Variants in CNIH3 observed in about 807,000 individuals in gnomAD.
The protein encoded by CNIH3 is protein cornichon homolog 3.
In CNIH3, 14 loss-of-function variants were observed where a neutral mutation model predicts 24.1. The ratio of observed to expected loss-of-function variants is 0.58; its 90% confidence interval spans 0.38 to 0.91. CNIH3 has a LOEUF of 0.91. Among genes scored for constraint, CNIH3 ranks in the 40% least tolerant of loss-of-function variants. The pLI, the probability that CNIH3 is intolerant of heterozygous loss-of-function variation, is 0.00. For missense variants in CNIH3, 178 were observed against 196.8 expected (o/e 0.90, Z 0.57); for synonymous variants, 68 against 73.8 (o/e 0.92, Z 0.40).
chr1:224,606,926 T>C (rs759034396), intron 3 of CNIH3, among the ~76,000 whole-genome samples: 8 of 152,172 alleles, frequency 5.3e-5, no homozygotes, highest in Non-Finnish European at 1.2e-4. Context: ...CAGTGAAGGC[T>C]GATACTGAAT....
intron 4 of CNIH3, among the ~76,000 whole-genome samples, chr1:224,733,837 C>T: frequency 6.6e-6 from 1 of 152,080 alleles, no homozygotes; most frequent in East Asian, 1.9e-4. Flanking sequence ...GGGCAGCGAC[C>T]ACTTCCCAAG....
chr1:224,575,130 G>A, intron 4 of CNIH3: 1 of 932,518 alleles, frequency 1.1e-6, no homozygotes, highest in Non-Finnish European at 1.8e-6. Context: ...CCTCCTGGAA[G>A]ATCCCAGGAT....
At chr1:224,682,973 G>T (rs1686475262) in intron 2 of CNIH3, among the ~76,000 whole-genome samples, 1 of 152,162 alleles carries the variant, frequency 6.6e-6, no homozygotes, top group Non-Finnish European at 1.5e-5. Context: ...TATTTTTGTG[G>T]AACCCTTTCC....
At chr1:224,436,776 C>T (rs1013837376) in intron 1 of CNIH3, 5 of 152,200 alleles carry the variant, frequency 3.3e-5, no homozygotes, top group Non-Finnish European at 7.3e-5. Flanking sequence ...CCTTCAGTAA[C>T]ACCACATTAC....
At chr1:224,720,252 C>CTTTTTT (rs10625559) in intron 3 of CNIH3, among the ~76,000 whole-genome samples, 1 of 142,084 alleles carries the variant, frequency 7.0e-6, no homozygotes, top group Non-Finnish European at 1.5e-5. Flanking sequence ...GGATAGTCAT[C>CTTTTTT]TTTTTTTTTT....
chr1:224,489,778 G>A (rs534824153), intron 1 of CNIH3, among the ~76,000 whole-genome samples: 2 of 152,284 alleles, frequency 1.3e-5, no homozygotes, highest in East Asian at 3.9e-4. Context: ...TGGAGGCTGG[G>A]AAGTCCAAAG....
chr1:224,536,410 G>T (rs1322307002), intron 2 of CNIH3, among the ~76,000 whole-genome samples: 1 of 148,648 alleles, frequency 6.7e-6, no homozygotes. Context: ...TCCTGCCTCA[G>T]CCTCCTGAGT....
At chr1:224,682,400 G>T (rs1296061884) in intron 2 of CNIH3, among the ~76,000 whole-genome samples, 1 of 152,116 alleles carries the variant, frequency 6.6e-6, no homozygotes, top group African/African-American at 2.4e-5. Context: ...TCTACCCTGT[G>T]TTGCCTCTTT....
chr1:224,585,456 C>G (rs1468458129), intron 5 of CNIH3, among the ~76,000 whole-genome samples: 1 of 151,886 alleles, frequency 6.6e-6, no homozygotes, highest in Admixed American at 6.6e-5. Flanking sequence ...TGATATTAAA[C>G]CAAAGCACAG....
chr1:224,467,418 A>T (rs1270801375), intron 1 of CNIH3, among the ~76,000 whole-genome samples: 1 of 151,936 alleles, frequency 6.6e-6, no homozygotes, highest in African/African-American at 2.4e-5. Flanking sequence ...TTCCTGGATC[A>T]TAGTTTTTGT....
intron 1 of CNIH3, among the ~76,000 whole-genome samples, chr1:224,456,524 C>G (rs1244530920): frequency 6.6e-6 from 1 of 152,194 alleles, no homozygotes; most frequent in Non-Finnish European, 1.5e-5. Flanking sequence ...CATCCTCCCA[C>G]CTCAGCTTCC....
chr1:224,548,870 G>A (rs754361502), intron 3 of CNIH3, among the ~76,000 whole-genome samples: 2 of 151,156 alleles, frequency 1.3e-5, no homozygotes, highest in African/African-American at 4.9e-5. Flanking sequence ...GACGTTATTC[G>A]TAGTATCCCA....
intron 1 of CNIH3, among the ~76,000 whole-genome samples, chr1:224,646,233 C>T (rs1684600961): frequency 6.6e-6 from 1 of 152,154 alleles, no homozygotes; most frequent in Non-Finnish European, 1.5e-5. Context: ...AGCATTTTGA[C>T]AGATGAAGAG....
At chr1:224,466,476 A>G (rs931529013) in intron 1 of CNIH3, among the ~76,000 whole-genome samples, 12 of 152,184 alleles carry the variant, frequency 7.9e-5, no homozygotes, top group African/African-American at 2.7e-4. Context: ...GTATGGATGT[A>G]CTACAGTTTC....
intron 1 of CNIH3, among the ~76,000 whole-genome samples, chr1:224,457,485 A>G (rs1461888257): frequency 6.6e-6 from 1 of 150,786 alleles, no homozygotes; most frequent in Non-Finnish European, 1.5e-5. Context: ...AGGGTACCCA[A>G]CTGAATGGGA....
At chr1:224,697,972 A>G (rs1687263781) in intron 3 of CNIH3, among the ~76,000 whole-genome samples, 1 of 152,204 alleles carries the variant, frequency 6.6e-6, no homozygotes, top group African/African-American at 2.4e-5. Context: ...CGCATGCTCC[A>G]GACATATCTT....
At chr1:224,514,294 G>A (rs1174305597), upstream of CNIH3, among the ~76,000 whole-genome samples, 1 of 152,092 alleles carries the variant, frequency 6.6e-6, no homozygotes, top group African/African-American at 2.4e-5. Flanking sequence ...TACGCATGCA[G>A]GTTAAGAATA....
At chr1:224,625,335 G>A (rs973927521) in intron 1 of CNIH3, among the ~76,000 whole-genome samples, 2 of 152,032 alleles carry the variant, frequency 1.3e-5, no homozygotes, top group Admixed American at 1.3e-4. Flanking sequence ...GGATCATGAG[G>A]TCAGGAGATG....
intron 1 of CNIH3, among the ~76,000 whole-genome samples, chr1:224,497,612 T>A (rs1300638993): frequency 6.6e-6 from 1 of 152,234 alleles, no homozygotes; most frequent in Non-Finnish European, 1.5e-5. Flanking sequence ...TGGGAACCCT[T>A]TGTTGTTATA....
Sources: allele counts gnomAD v4.1 joint callset (sites outside exome capture counted in the v4.1 genomes callset), GRCh38; gene constraint gnomAD v4.1.1; transcripts MANE v1.5; gene names NCBI Gene and HGNC (gene_info 2026-07-23, HGNC 2026-07-21).